VIM: variants seen among roughly 807,000 people sequenced by gnomAD.
The protein encoded by VIM is vimentin.
A neutral mutation model predicts 50.3 loss-of-function variants in VIM; 18 were observed. The observed-to-expected ratio is 0.36, with a 90% confidence interval of 0.25 to 0.53. The LOEUF (loss-of-function observed/expected upper bound fraction) is 0.53, where lower values mean the gene tolerates loss of function less well. Ranked by LOEUF, VIM falls within the 20% of genes least tolerant of loss-of-function variation. The pLI is 0.91. For missense variants in VIM, 551 were observed against 614.7 expected, an observed-to-expected ratio of 0.90 and a Z score of 1.10; for synonymous variants, 245 against 248.5, an observed-to-expected ratio of 0.99 and a Z score of 0.13.
At chr10:17,231,020 T>C (rs901282265) in intron 3 of VIM, 4 of 348,176 alleles carry the variant, frequency 1.1e-5, no homozygotes, top group South Asian at 1.1e-4. Flanking sequence ...CTTGAATGAT[T>C]TCTAAGCAGT....
chr10:17,233,002 C>T (rs1055703113), intron 3 of VIM, among the ~76,000 whole-genome samples: 3 of 152,202 alleles, frequency 2.0e-5, no homozygotes, highest in Non-Finnish European at 4.4e-5. Context: ...GGCTGGAGTG[C>T]AGTGGCACTA....
At chr10:17,235,526 G>A in intron 7 of VIM, 137 bp downstream of exon 7, 1 of 975,038 alleles carries the variant, frequency 1.0e-6, no homozygotes, top group Non-Finnish European at 1.6e-6. Context: ...TTGTAGAGGA[G>A]GAATTTGAAT....
chr10:17,237,123 C>T, intron 9 of VIM, 107 bp from the exon 10 acceptor site: 2 of 1,061,796 alleles, frequency 1.9e-6, no homozygotes, highest in East Asian at 2.6e-5. Context: ...CTGATTTGCA[C>T]AATAAATTAC....
chr10:17,230,765 C>T (rs367978732), intron 3 of VIM, 55 bp downstream of exon 3: 5 of 1,604,224 alleles, frequency 3.1e-6, no homozygotes, highest in Non-Finnish European at 4.3e-6. Flanking sequence ...ACACAACCCA[C>T]GAGCAATTCT....
chr10:17,229,869 C>T lies in VIM; in HGVS notation c.447C>T (p.Leu149=), dbSNP rs1846752109. ...AAGGCAAGTCGCGCCTGGGGGACCT[C>T]TACGAGGAGGAGATGCGGGAGCTGC... ...KGQGKSRLGD[L]YEEEMRELRR... is the part of the protein sequence containing the mutation. The change falls in exon 2 of 10, where the codon CTC becomes CTT. Residue 149 remains leucine, a synonymous_variant. Coordinates refer to ENST00000544301, the MANE Select transcript of VIM (RefSeq NM_003380.5). 5 of 1,609,740 alleles carry T rather than the reference C, an allele frequency of 3.1e-6. No homozygotes were observed. In the South Asian group the frequency reaches 5.5e-5, roughly 18 times the overall value.
chr10:17,234,664 A>G (rs1214433813), intron 5 of VIM, 29 bp from the exon 6 acceptor site: 1 of 1,613,122 alleles, frequency 6.2e-7, no homozygotes, highest in Non-Finnish European at 8.5e-7. Flanking sequence ...GAATGTGAGC[A>G]ATCTACATTT....
intron 5 of VIM, 28 bp from the exon 6 acceptor site, chr10:17,234,665 A>G (rs777812037): frequency 5.6e-6 from 9 of 1,613,156 alleles, no homozygotes; most frequent in Middle Eastern, 1.6e-4. Context: ...AATGTGAGCA[A>G]TCTACATTTC....
chr10:17,229,149 A>ACCCCCCCC lies in VIM; in HGVS notation c.-147-124_-147-123insCCCCCCCC. ...GAAGGCTCGAGGGCGCCCCCACCCC[A>ACCCCCCCC]CCCGCCCACCCTCCCCGCTTCTCGC... On this transcript the variant is annotated intron_variant, in intron 1 of 9. Coordinates refer to ENST00000544301, the MANE Select transcript of VIM (RefSeq NM_003380.5). The ACCCCCCCC allele has an allele frequency of 2.6e-5, 4 of 154,160 alleles. 2 individuals carry two copies. Among genetic ancestry groups the ACCCCCCCC allele is most frequent in the South Asian group, 9.4e-5 (2 of 21,254 alleles). The allele number at this position is 154,160 out of a possible 1,614,324, so 9.5% of individuals were successfully genotyped here. A position where few individuals can be genotyped will look rare whatever the true frequency, so the allele number is the denominator to read the frequency against.
At chr10:17,236,173 G>A (rs1217019650) in intron 8 of VIM, 121 bp from the exon 9 acceptor site, 6 of 881,730 alleles carry the variant, frequency 6.8e-6, no homozygotes, top group Admixed American at 1.7e-5. Flanking sequence ...ATTATTTGGC[G>A]AGTAGTACTT....
chr10:17,230,819 C>G lies in VIM; in HGVS notation c.624+109C>G, dbSNP rs187176649. 5 of 1,301,132 alleles carry G rather than the reference C, an allele frequency of 3.8e-6. No individual in the cohort carries two copies. In the African/African-American group the frequency reaches 7.3e-5, roughly 19 times the overall value. The allele number at this position is 1,301,132 out of a possible 1,614,324, so 80.6% of individuals were successfully genotyped here. ...GTCTAAAAAGTGCAAAACTTCAGGG[C>G]TGCGCGTAAAGCCCTCTAGTGGCGG... On this transcript the variant is annotated intron_variant, in intron 3 of 9. Transcript: ENST00000544301.
At chr10:17,230,862 G>A in intron 3 of VIM, 152 bp downstream of exon 3, 1 of 775,818 alleles carries the variant, frequency 1.3e-6, no homozygotes, top group Non-Finnish European at 2.1e-6. Context: ...ACAGGTTGGA[G>A]CTTCTCATGA....
chr10:17,230,126 G>C (rs893305505), intron 2 of VIM, 141 bp downstream of exon 2: 17 of 1,127,874 alleles, frequency 1.5e-5, no homozygotes, highest in African/African-American at 9.4e-5. Flanking sequence ...AGCGGAGAGC[G>C]GGGCTGTGGC....
At chr10:17,230,025 G>A in intron 2 of VIM, 40 bp downstream of exon 2, 1 of 1,570,484 alleles carries the variant, frequency 6.4e-7, no homozygotes, top group Non-Finnish European at 8.6e-7. Context: ...CCTCGGGAGG[G>A]GGCTGGAGGG....
Position 17,234,784 on chromosome 10 carries a change from C to A in VIM, c.974C>A (p.Ser325Tyr). Residue 325 changes from serine to tyrosine, a missense_variant, in exon 6 of 10, where the codon TCC becomes TAC. This residue lies in a region of VIM where 394 missense variants were observed against 437.5 expected (regional missense o/e 0.90). Transcript: ENST00000544301. Reference sequence around the variant, plus strand: ...ACTGAGTACCGGAGACAGGTGCAGTCCCTCACCTGTGAAGTGGATGCCCTT... The same window carrying A: ...ACTGAGTACCGGAGACAGGTGCAGTACCTCACCTGTGAAGTGGATGCCCTT... ...ESTEYRRQVQ[S>Y]LTCEVDALKG... 1.2e-6 allele frequency: 2 copies of A among 1,614,118 alleles called. No individual in the cohort carries two copies. Among genetic ancestry groups the A allele is most frequent in the African/African-American group, 1.3e-5 (1 of 75,030 alleles).
intron 2 of VIM, 37 bp from the exon 3 acceptor site, chr10:17,230,613 T>C (rs779660014): frequency 1.2e-6 from 2 of 1,613,168 alleles, no homozygotes; most frequent in South Asian, 1.1e-5. Context: ...CCTGGCGGTT[T>C]CCTCGTTCCC....
In VIM at chr10:17,229,501, A is replaced by G. The variant is rs775343323; in HGVS notation, c.79A>G (p.Ser27Gly). 1 of 1,607,920 alleles carries G rather than the reference A, an allele frequency of 6.2e-7. No homozygotes were observed. Among genetic ancestry groups the G allele is most frequent in the Non-Finnish European group, 8.5e-7 (1 of 1,179,206 alleles). Residue 27 changes from serine to glycine, a missense_variant, in exon 2 of 10, where the codon AGC (serine) becomes GGC (glycine). Transcript: ENST00000544301. Reference sequence around the variant, plus strand: ...GGGCACCGCGAGCCGGCCGAGCTCCAGCCGGAGCTACGTGACTACGTCCAC... The same window carrying G: ...GGGCACCGCGAGCCGGCCGAGCTCCGGCCGGAGCTACGTGACTACGTCCAC... Reference protein sequence around the residue: ...GPGTASRPSSSRSYVTTSTRT... With the variant: ...GPGTASRPSSGRSYVTTSTRT...
intron 3 of VIM, 24 bp downstream of exon 3, chr10:17,230,734 G>A: frequency 1.2e-6 from 2 of 1,613,802 alleles, no homozygotes; most frequent in Non-Finnish European, 1.7e-6. Flanking sequence ...CTTCCCACTC[G>A]CAGCCGCCTG....
chr10:17,235,241 A>G lies in VIM; in HGVS notation c.1081A>G (p.Thr361Ala), dbSNP rs765859276. The G allele has an allele frequency of 1.9e-6, 3 of 1,614,164 alleles. No individual in the cohort carries two copies. The highest frequency in any genetic ancestry group is 1.7e-6 in the Non-Finnish European group (2 of 1,180,032). ...FAVEAANYQD[T>A]IGRLQDEIQN... ...CGTTGAAGCTGCTAACTACCAAGAC[A>G]CTATTGGCCGCCTGCAGGATGAGAT... Residue 361 changes from threonine to alanine, a missense_variant, in exon 7 of 10, where the codon ACT (threonine) becomes GCT (alanine). Thr to Ala is a moderately conservative substitution (Grantham distance 58). Coordinates refer to ENST00000544301, the MANE Select transcript of VIM (RefSeq NM_003380.5).
chr10:17,229,345 C>G lies in VIM; in HGVS notation c.-78C>G. ...CCGCGCTCCCACCACCCACACCCAC[C>G]GCGCCCTCGTTCGCCTCTTCTCCGG... On this transcript the variant is annotated 5_prime_UTR_variant, in exon 2 of 10. Transcript: ENST00000544301. 6.9e-7 allele frequency: 1 copy of G among 1,455,162 alleles called. No individual in the cohort carries two copies. The highest frequency in any genetic ancestry group is 2.4e-4 in the Middle Eastern group (1 of 4,200). The allele number at this position is 1,455,162 out of a possible 1,614,324, so 90.1% of individuals were successfully genotyped here.
Sources: allele counts gnomAD v4.1 joint callset (sites outside exome capture counted in the v4.1 genomes callset), GRCh38; gene constraint gnomAD v4.1.1; regional missense constraint gnomAD v4.1.1; transcripts MANE v1.5; gene names NCBI Gene and HGNC (gene_info 2026-07-23, HGNC 2026-07-21).